MAST4: variants seen among roughly 807,000 people sequenced by gnomAD.
MAST4 encodes the protein microtubule associated serine/threonine kinase family member 4.
Under a neutral mutation model 162.7 loss-of-function variants are expected in MAST4, and 89 were observed. The observed-to-expected ratio is 0.55, with a 90% confidence interval of 0.46 to 0.65. The LOEUF is 0.65. MAST4 is among the 30% of genes least tolerant of loss of function. MAST4 has a pLI of 0.00. For synonymous variants in MAST4, 1,479 were observed against 1,361.1 expected, an observed-to-expected ratio of 1.09 and a Z score of -1.91; for missense variants, 3,153 against 3,374.0, an observed-to-expected ratio of 0.93 and a Z score of 1.62.
chr5:67,078,910 A>AAATAAATATATATATATATAT (rs1491289898), intron 5 of MAST4, among the ~76,000 whole-genome samples: 1 of 22,124 alleles, frequency 4.5e-5, no homozygotes, highest in Non-Finnish European at 7.6e-5. Flanking sequence ...ATTTTTATAT[A>AAATAAATATATATATATATAT]AATATATATA....
At chr5:66,634,216 C>T (rs537066018) in intron 1 of MAST4, among the ~76,000 whole-genome samples, 3 of 152,186 alleles carry the variant, frequency 2.0e-5, no homozygotes, top group Non-Finnish European at 2.9e-5. Context: ...TATGCCACCA[C>T]GCCTGGCTAA....
At chr5:66,599,620 A>G (rs1168961887) in intron 1 of MAST4, among the ~76,000 whole-genome samples, 1 of 152,242 alleles carries the variant, frequency 6.6e-6, no homozygotes, top group Non-Finnish European at 1.5e-5. Flanking sequence ...ATTTTGCAAA[A>G]TAGGAATACA....
intron 4 of MAST4, among the ~76,000 whole-genome samples, chr5:66,906,126 T>A (rs1288947925): frequency 6.6e-6 from 1 of 152,184 alleles, no homozygotes; most frequent in Non-Finnish European, 1.5e-5. Context: ...TACACTAGAG[T>A]CACATTGGAA....
At chr5:66,959,907 A>T (rs774634597) in intron 4 of MAST4, among the ~76,000 whole-genome samples, 2 of 151,730 alleles carry the variant, frequency 1.3e-5, no homozygotes, top group Non-Finnish European at 2.9e-5. Flanking sequence ...TTGTGATGTG[A>T]TGTAGCTACA....
At position 67,072,448 on chromosome 5, in the gene MAST4, TCTTA is replaced by T. The variant is rs553994404; in HGVS notation, c.764-17710_764-17707del. Among the ~76,000 whole-genome samples the T allele has an allele frequency of 7.9e-5, 12 of 152,328 alleles. No individual in the cohort carries two copies. The South Asian group carries it at 2.5e-3, about 32-fold the overall frequency. ...ATCTAATTTAGACTAATGGCCAATG[TCTTA>T]CTTTAGTGAAATACCAGAAGCATTT... On this transcript the variant is annotated intron_variant, in intron 5 of 28. Transcript: ENST00000403625.
In MAST4 at chr5:67,166,766, G is replaced by C; in HGVS notation, c.7587G>C (p.Leu2529=). 1 of 1,600,562 alleles carries C rather than the reference G, an allele frequency of 6.2e-7. No homozygotes were observed. The part of the protein sequence containing the change: ...DSLPSFRVST[L]PLESHHPDPN... ...TGCCCTCCTTCCGGGTCTCCACCCT[G>C]CCTCTGGAGTCACACCACCCCGACC... is the stretch of plus-strand genomic sequence containing the variant. The change falls in exon 29 of 29, where the codon CTG becomes CTC. Residue 2529 remains leucine (L), a synonymous_variant. Coordinates refer to ENST00000403625, the MANE Select transcript of MAST4 (RefSeq NM_001164664.2).
Position 67,110,112 on chromosome 5 carries a change from A to G in MAST4, c.1371A>G (p.Ser457=), listed in dbSNP as rs1766058168. Residue 457 remains serine, a synonymous_variant, in exon 11 of 29, where the codon TCA becomes TCG. Coordinates refer to ENST00000403625, the MANE Select transcript of MAST4 (RefSeq NM_001164664.2). ...CTTTTTCATAGGCTCATGATCGTTC[A>G]GAAAGTGGAGAATTGGCATTTATTA... is the stretch of plus-strand genomic sequence containing the variant. The part of the protein sequence containing the change: ...DKLLQEAHDR[S]ESGELAFIKQ... 1.2e-6 allele frequency: 2 copies of G among 1,613,194 alleles called. No individual in the cohort carries two copies. The highest frequency in any genetic ancestry group is 1.1e-5 in the South Asian group (1 of 91,064).
chr5:66,957,781 G>A (rs761367979), intron 4 of MAST4, among the ~76,000 whole-genome samples: 199 of 152,320 alleles, frequency 1.3e-3, no homozygotes, highest in Non-Finnish European at 2.5e-3. Context: ...AGGGCACAGA[G>A]CTGAGGGAGA....
chr5:66,962,145 T>C (rs536897093), intron 4 of MAST4, among the ~76,000 whole-genome samples: 1 of 152,318 alleles, frequency 6.6e-6, no homozygotes, highest in South Asian at 2.1e-4. Flanking sequence ...TTGCCAACCC[T>C]CTGTGCCAAT....
At chr5:66,929,032 G>T (rs1316721453) in intron 4 of MAST4, among the ~76,000 whole-genome samples, 2 of 152,176 alleles carry the variant, frequency 1.3e-5, no homozygotes, top group Admixed American at 1.3e-4. Flanking sequence ...AGAGGGGATT[G>T]ATTAGGGAAA....
In MAST4 at chr5:66,788,804, C is replaced by T. The variant is rs1183504920; in HGVS notation, c.642+10C>T. 5.2e-6 allele frequency: 8 copies of T among 1,550,934 alleles called. No homozygotes were observed. Among genetic ancestry groups the T allele is most frequent in the Non-Finnish European group, 6.9e-6 (8 of 1,151,774 alleles). On this transcript the variant is annotated intron_variant, in intron 3 of 28. Coordinates refer to ENST00000403625, the MANE Select transcript of MAST4 (RefSeq NM_001164664.2). ...GCTCACCGCCAGCCTGGTGAGTGTC[C>T]GCGGGCGCCGGTGGAGGCTGCTCCA...
intron 4 of MAST4, among the ~76,000 whole-genome samples, chr5:67,022,401 T>A (rs956581028): frequency 2.5e-4 from 36 of 145,454 alleles, no homozygotes; most frequent in Middle Eastern, 3.3e-3. Flanking sequence ...GTGTTCCCTA[T>A]TTTCTCTACC....
At chr5:66,878,009 C>T (rs921090807) in intron 3 of MAST4, among the ~76,000 whole-genome samples, 34 of 152,156 alleles carry the variant, frequency 2.2e-4, no homozygotes, top group African/African-American at 7.9e-4. Flanking sequence ...TATGACTGGC[C>T]GGGAGGCATG....
chr5:66,847,956 T>C (rs923116337), intron 3 of MAST4, among the ~76,000 whole-genome samples: 6 of 152,124 alleles, frequency 3.9e-5, no homozygotes, highest in Admixed American at 3.9e-4. Context: ...AATCAAGTTC[T>C]TACAGCCACT....
At chr5:66,983,775 A>C (rs1379999707) in intron 4 of MAST4, among the ~76,000 whole-genome samples, 5 of 152,196 alleles carry the variant, frequency 3.3e-5, no homozygotes, top group African/African-American at 9.6e-5. Flanking sequence ...ATGACTTTAC[A>C]CAAAGCCTTA....
rs887890787 is a variant in MAST4 at position 67,090,026 on chromosome 5, G to T, written c.764-136G>T. On this transcript the variant is annotated intron_variant, in intron 5 of 28. Coordinates refer to ENST00000403625, the MANE Select transcript of MAST4 (RefSeq NM_001164664.2). ...CGCCCACCCCACCATCCCTGGTCCAGGTAAAACTAAAGCATTATTGGAGGA... is the reference window on the plus strand; with the variant it reads ...CGCCCACCCCACCATCCCTGGTCCATGTAAAACTAAAGCATTATTGGAGGA... 6 of 631,182 alleles carry T rather than the reference G, an allele frequency of 9.5e-6. No homozygotes were observed. In the African/African-American group the frequency reaches 1.1e-4, roughly 12 times the overall value. The allele number at this position is 631,182 out of a possible 1,614,324, so 39.1% of individuals were successfully genotyped here. A position where few individuals can be genotyped will look rare whatever the true frequency, so the allele number is the denominator to read the frequency against.
At chr5:67,079,491 G>A (rs937702671) in intron 5 of MAST4, among the ~76,000 whole-genome samples, 1 of 152,118 alleles carries the variant, frequency 6.6e-6, no homozygotes, top group African/African-American at 2.4e-5. Flanking sequence ...GTAGGACTGG[G>A]CATGGGGAGG....
At chr5:66,891,496 T>C (rs1762360783) in intron 3 of MAST4, among the ~76,000 whole-genome samples, 1 of 152,184 alleles carries the variant, frequency 6.6e-6, no homozygotes, top group Non-Finnish European at 1.5e-5. Flanking sequence ...GGCCATCTTA[T>C]TCCCCTCTTT....
At chr5:67,080,482 G>A (rs558577286) in intron 5 of MAST4, among the ~76,000 whole-genome samples, 2 of 151,976 alleles carry the variant, frequency 1.3e-5, no homozygotes, top group Middle Eastern at 3.4e-3. Context: ...CAAGAGTTGT[G>A]TGTGGCTTAA....
Sources: gnomAD v4.1 joint callset for allele counts (sites outside exome capture counted in the v4.1 genomes callset) on GRCh38, gnomAD v4.1.1 for gene constraint, MANE v1.5 for transcripts, NCBI Gene and HGNC (gene_info 2026-07-23, HGNC 2026-07-21) for gene names.